Variants in CFAP43 observed in about 807,000 individuals in gnomAD.
The protein encoded by CFAP43 is cilia- and flagella-associated protein 43.
CFAP43 carries 155 observed loss-of-function variants against 218.9 expected under a neutral mutation model. The ratio of observed to expected loss-of-function variants is 0.71; its 90% CI spans 0.62 to 0.81. The LOEUF is 0.81. Among genes scored for constraint, CFAP43 ranks in the 30% least tolerant of loss-of-function variants. The probability of loss-of-function intolerance (pLI) is 0.00; values close to 1 mark genes in which losing one functional copy is unlikely to be tolerated. For synonymous variants in CFAP43, 645 were observed against 681.3 expected, an observed-to-expected ratio of 0.95 and a Z score of 0.83; for missense variants, 1,778 against 1,954.3, an observed-to-expected ratio of 0.91 and a Z score of 1.70.
intron 5 of CFAP43, among the ~76,000 whole-genome samples, chr10:104,211,238 G>T: frequency 6.6e-6 from 1 of 152,028 alleles, no homozygotes; most frequent in East Asian, 1.9e-4. Context: ...ATTGCAAAAT[G>T]TGATAATTAT....
At chr10:104,200,396 T>C (rs762502158) in intron 8 of CFAP43, among the ~76,000 whole-genome samples, 2 of 152,000 alleles carry the variant, frequency 1.3e-5, no homozygotes, top group Non-Finnish European at 2.9e-5. Context: ...GAGAAAAGAC[T>C]TGAAGGTTCA....
chr10:104,201,419 G>C (rs1323544893), intron 8 of CFAP43, among the ~76,000 whole-genome samples: 2 of 151,182 alleles, frequency 1.3e-5, no homozygotes, highest in Non-Finnish European at 3.0e-5. Flanking sequence ...CCTTGTTTTG[G>C]GTTAAACTTT....
intron 24 of CFAP43, 137 bp downstream of exon 24, chr10:104,163,957 A>G: frequency 2.6e-6 from 2 of 781,772 alleles, no homozygotes; most frequent in Non-Finnish European, 2.0e-6. Context: ...CTGAGGCTAC[A>G]TCATGTCTTT....
At chr10:104,205,381 T>C (rs1259959021) in intron 7 of CFAP43, among the ~76,000 whole-genome samples, 1 of 152,110 alleles carries the variant, frequency 6.6e-6, no homozygotes. Context: ...GTGAACTCTG[T>C]GAGATTAGAT....
At chr10:104,221,818 G>A (rs1261738885) in intron 3 of CFAP43, among the ~76,000 whole-genome samples, 2 of 152,150 alleles carry the variant, frequency 1.3e-5, no homozygotes, top group South Asian at 2.1e-4. Context: ...ATGTCTCATG[G>A]GGGTTGCTGC....
At chr10:104,178,629 A>T (rs1422835875) in intron 19 of CFAP43, among the ~76,000 whole-genome samples, 1 of 152,182 alleles carries the variant, frequency 6.6e-6, no homozygotes, top group Non-Finnish European at 1.5e-5. Context: ...ATTTAGACAG[A>T]GGTAAACAGC....
intron 27 of CFAP43, among the ~76,000 whole-genome samples, chr10:104,153,159 A>G (rs2088360763): frequency 6.6e-6 from 1 of 152,168 alleles, no homozygotes; most frequent in African/African-American, 2.4e-5. Flanking sequence ...GAATGCACAT[A>G]TATGTATATT....
At chr10:104,189,203 C>T (rs909182446) in intron 12 of CFAP43, among the ~76,000 whole-genome samples, 18 of 152,124 alleles carry the variant, frequency 1.2e-4, no homozygotes, top group Non-Finnish European at 2.4e-4. Context: ...TCCTATTAGA[C>T]CATACATTAT....
intron 31 of CFAP43, 113 bp downstream of exon 31, chr10:104,145,363 A>G (rs1412662711): frequency 1.6e-6 from 1 of 622,688 alleles, no homozygotes; most frequent in Non-Finnish European, 2.8e-6. Context: ...CACCTAAAAG[A>G]TATTACACTG....
intron 27 of CFAP43, among the ~76,000 whole-genome samples, chr10:104,156,036 A>C (rs2088526072): frequency 6.6e-6 from 1 of 152,152 alleles, no homozygotes. Flanking sequence ...TGAAATAAAA[A>C]AGAAGGGACT....
chr10:104,196,751 C>T (rs1239844368), intron 10 of CFAP43, 102 bp downstream of exon 10: 29 of 962,046 alleles, frequency 3.0e-5, no homozygotes, highest in South Asian at 1.5e-4. Context: ...AGTGAGGCTT[C>T]GGTAACAAGT....
chr10:104,216,391 A>G (rs1168261182), intron 3 of CFAP43, among the ~76,000 whole-genome samples: 2 of 152,004 alleles, frequency 1.3e-5, no homozygotes, highest in African/African-American at 2.4e-5. Context: ...TGGGCCCTTG[A>G]CCCCGTCTTC....
At chr10:104,182,307 A>T in intron 17 of CFAP43, 59 bp downstream of exon 17, 1 of 1,465,736 alleles carries the variant, frequency 6.8e-7, no homozygotes, top group South Asian at 1.5e-5. Context: ...CAAACCGAAA[A>T]CTTCTGATTT....
chr10:104,152,199 G>T (rs2088295365), intron 28 of CFAP43, among the ~76,000 whole-genome samples: 1 of 152,124 alleles, frequency 6.6e-6, no homozygotes, highest in Non-Finnish European at 1.5e-5. Context: ...ATCTAGTCTT[G>T]AAAGCATTGA....
At chr10:104,132,805 A>G (rs1036466179) in intron 35 of CFAP43, 1 of 983,490 alleles carries the variant, frequency 1.0e-6, no homozygotes, top group African/African-American at 1.8e-5. Context: ...CTTGAGTCCC[A>G]CATTAACAAA....
At chr10:104,206,115 A>T in intron 6 of CFAP43, 85 bp from the exon 7 acceptor site, 1 of 1,049,332 alleles carries the variant, frequency 9.5e-7, no homozygotes, top group Non-Finnish European at 1.4e-6. Flanking sequence ...ACTTTTACTG[A>T]TGTAAATCTT....
intron 28 of CFAP43, among the ~76,000 whole-genome samples, chr10:104,151,487 T>C (rs548875942): frequency 1.2e-4 from 18 of 152,328 alleles, no homozygotes; most frequent in Middle Eastern, 3.4e-3. Context: ...TTGATTTTCA[T>C]TTATCTAATG....
intron 3 of CFAP43, chr10:104,218,820 C>A (rs777568914): frequency 9.2e-6 from 5 of 545,282 alleles, no homozygotes; most frequent in South Asian, 5.7e-5. Flanking sequence ...GTGTTGCCCT[C>A]ATCTCTACTA....
chr10:104,207,636 C>T, intron 6 of CFAP43, 29 bp downstream of exon 6: 2 of 1,593,436 alleles, frequency 1.3e-6, no homozygotes, highest in Non-Finnish European at 1.7e-6. Flanking sequence ...CATGGCTATA[C>T]AGGAATATGA....
Sources: gnomAD v4.1 joint callset for allele counts (sites outside exome capture counted in the v4.1 genomes callset) on GRCh38, gnomAD v4.1.1 for gene constraint, MANE v1.5 for transcripts, NCBI Gene and HGNC (gene_info 2026-07-23, HGNC 2026-07-21) for gene names.